Variants in TNK2 observed in about 807,000 individuals in gnomAD.
TNK2 encodes the protein activated CDC42 kinase 1.
A neutral mutation model predicts 101.8 loss-of-function variants in TNK2; 83 were observed. That is an observed-to-expected ratio of 0.82 (90% CI 0.68 to 0.98). The LOEUF (loss-of-function observed/expected upper bound fraction) is 0.98, where lower values mean the gene tolerates loss of function less well. TNK2 is among the 50% of genes least tolerant of loss of function. The probability of loss-of-function intolerance (pLI) is 0.00; values close to 1 mark genes in which losing one functional copy is unlikely to be tolerated. For synonymous variants in TNK2, 804 were observed against 633.0 expected (o/e 1.27, Z -4.06); for missense variants, 1,665 against 1,483.2 (o/e 1.12, Z -2.01).
At chr3:195,881,973 G>C (rs1477384277) in intron 6 of TNK2, 78 bp downstream of exon 6, 1 of 1,517,226 alleles carries the variant, frequency 6.6e-7, no homozygotes, top group East Asian at 2.3e-5. Context: ...CAGGGGCTGT[G>C]GTGGGTCCAG....
chr3:195,871,642 G>A (rs1024162919), intron 10 of TNK2, among the ~76,000 whole-genome samples: 1 of 152,110 alleles, frequency 6.6e-6, no homozygotes, highest in African/African-American at 2.4e-5. Context: ...GTACCAAGAG[G>A]GGTTACAGCT....
chr3:195,901,222 G>A (rs1049067292), intron 1 of TNK2, among the ~76,000 whole-genome samples: 2 of 152,198 alleles, frequency 1.3e-5, no homozygotes, highest in African/African-American at 2.4e-5. Flanking sequence ...GGGAAGGGGC[G>A]TGCCTGGTCC....
intron 10 of TNK2, among the ~76,000 whole-genome samples, chr3:195,870,957 G>GGGGACTCGCTGTGTGGGTTCTGGTGTGT (rs1744758852): frequency 3.7e-5 from 5 of 135,024 alleles, no homozygotes; most frequent in African/African-American, 1.5e-4. Context: ...TTCTGGTGTG[G>GGGGACTCGCTGTGTGGGTTCTGGTGTGT]GGGGACTCGC....
In TNK2 at chr3:195,868,010, C is replaced by T. The variant is rs57872314; in HGVS notation, c.2288G>A (p.Arg763Gln). Residue 763 changes from arginine (R) to glutamine (Q), a missense_variant, in exon 13 of 16, where the codon CGG becomes CAG. By Grantham distance (43) the Arg-to-Gln change is conservative. Coordinates refer to ENST00000672887, the MANE Select transcript of TNK2 (RefSeq NM_001382273.1). The stretch of plus-strand genomic sequence containing the variant: ...CAGCTGGACGTGTGGGCGCGTGGGC[C>T]GAGGGGGGATGGGTACCCGAGGAGG... ...QVPPRVPIPP[R>Q]PTRPHVQLSP... The T allele has an allele frequency of 1.5e-4, 244 of 1,576,006 alleles. No individual in the cohort carries two copies. In the East Asian group the frequency reaches 3.8e-3, roughly 25 times the overall value.
chr3:195,898,522 C>T (rs1021710732), intron 1 of TNK2, among the ~76,000 whole-genome samples: 1 of 152,210 alleles, frequency 6.6e-6, no homozygotes, highest in Non-Finnish European at 1.5e-5. Flanking sequence ...GGCTGCACTC[C>T]TCACCTAGTT....
rs921067558 is a variant in TNK2 at position 195,869,483 on chromosome 3, G to A, written c.1588+14C>T. 1.0e-5 allele frequency: 16 copies of A among 1,550,306 alleles called. No individual in the cohort carries two copies. In the Admixed American group the frequency reaches 1.2e-4, roughly 11 times the overall value. On this transcript the variant is annotated intron_variant, in intron 12 of 15. Coordinates refer to ENST00000672887, the MANE Select transcript of TNK2 (RefSeq NM_001382273.1). ...GGGGGCGGGGGCCAAGGCATCGGAA[G>A]CAGCCCCACTTACTCTGAGTGAAGA... is the stretch of plus-strand genomic sequence containing the variant.
At chr3:195,864,391 T>C (rs919171704) in intron 15 of TNK2, among the ~76,000 whole-genome samples, 3 of 151,906 alleles carry the variant, frequency 2.0e-5, no homozygotes, top group South Asian at 2.1e-4. Context: ...TCCTGCGTAT[T>C]AGAGAATCCG....
At position 195,864,212 on chromosome 3, in the gene TNK2, C is replaced by T. The variant is rs377680549; in HGVS notation, c.3162-25G>A. 11 of 1,613,786 alleles carry T rather than the reference C, an allele frequency of 6.8e-6. No individual in the cohort carries two copies. In the African/African-American group the frequency reaches 1.5e-4, roughly 22 times the overall value. On this transcript the variant is annotated intron_variant, in intron 15 of 15. Transcript: ENST00000672887. Reference sequence around the variant, plus strand: ...CCTAGAGAATGGGAAACCACCAGCACAGTTAAACAGTTTACAGAAGGTTCA... The same window carrying T: ...CCTAGAGAATGGGAAACCACCAGCATAGTTAAACAGTTTACAGAAGGTTCA...
Position 195,878,839 on chromosome 3 carries a change from G to A in TNK2, c.1014+210C>T, listed in dbSNP as rs375142268. Among the ~76,000 whole-genome samples the A allele has an allele frequency of 1.2e-3, 185 of 152,268 alleles. No individual in the cohort carries two copies. The highest frequency in any genetic ancestry group is 4.2e-3 in the African/African-American group (175 of 41,558). The stretch of plus-strand genomic sequence containing the variant: ...GGCAGGCCCCAGCTTTTCCCTCCCC[G>A]TCTCTTTGCTGGGCTCTCCCTGAGG... On this transcript the variant is annotated intron_variant, in intron 7 of 15. Transcript: ENST00000672887. This position sits in a 1 kb window ranked among gnomAD's most constrained non-coding sequence, Gnocchi z 4.7.
intron 1 of TNK2, among the ~76,000 whole-genome samples, chr3:195,902,523 C>CAGGA (rs1269652290): frequency 6.7e-6 from 1 of 149,364 alleles, no homozygotes; most frequent in Non-Finnish European, 1.5e-5. Flanking sequence ...GAGGCTGAGG[C>CAGGA]AGGACAATTG....
chr3:195,907,628 A>G lies in TNK2; in HGVS notation c.-19+857T>C, dbSNP rs1220835576. The stretch of plus-strand genomic sequence containing the variant: ...CCTGGGGGCACGAGGCGGAATGAGT[A>G]GGTCTGGCACTCAGGCCACGAGGGA... On this transcript the variant is annotated intron_variant, in intron 1 of 15. Coordinates refer to ENST00000672887, the MANE Select transcript of TNK2 (RefSeq NM_001382273.1). Among the ~76,000 whole-genome samples the G allele has an allele frequency of 2.0e-5, 3 of 152,218 alleles. No individual in the cohort carries two copies. In the East Asian group the frequency reaches 5.8e-4, roughly 29 times the overall value.
chr3:195,868,999 C>A, intron 12 of TNK2: 1 of 499,530 alleles, frequency 2.0e-6, no homozygotes, highest in South Asian at 3.0e-5. Flanking sequence ...ACGCTGCCTC[C>A]ACCAGCACAA....
intron 9 of TNK2, chr3:195,872,778 A>G: frequency 3.0e-6 from 1 of 334,354 alleles, no homozygotes; most frequent in Non-Finnish European, 5.5e-6. Flanking sequence ...GGTTACCAGA[A>G]AGATCCCAGC....
intron 1 of TNK2, among the ~76,000 whole-genome samples, chr3:195,898,154 G>A (rs910223853): frequency 6.6e-6 from 1 of 151,964 alleles, no homozygotes; most frequent in Non-Finnish European, 1.5e-5. Flanking sequence ...ACCCGAGGTA[G>A]AAACCACACC....
At chr3:195,906,457 C>T (rs985428843) in intron 1 of TNK2, among the ~76,000 whole-genome samples, 4 of 152,100 alleles carry the variant, frequency 2.6e-5, no homozygotes, top group South Asian at 2.1e-4. Flanking sequence ...ACTGTTGATA[C>T]GCGCAACCAC....
Position 195,888,487 on chromosome 3 carries a change from G to A in TNK2, c.102C>T (p.Arg34=), listed in dbSNP as rs1757067619. 1 of 1,613,968 alleles carries A rather than the reference G, an allele frequency of 6.2e-7. No individual in the cohort carries two copies. Among genetic ancestry groups the A allele is most frequent in the African/African-American group, 1.3e-5 (1 of 74,908 alleles). The part of the protein sequence containing the change: ...LRLRDDLNVT[R]LSHFEYVKNE... ...TCTTGACGTACTCAAAGTGGGACAGGCGGGTGACGTTGAGGTCATCTCGGA... is the reference window on the plus strand; with the variant it reads ...TCTTGACGTACTCAAAGTGGGACAGACGGGTGACGTTGAGGTCATCTCGGA... The change falls in exon 2 of 16, where the codon CGC becomes CGT. Residue 34 remains arginine (R), a synonymous_variant. Transcript: ENST00000672887. This position sits in a 1 kb window ranked among gnomAD's most constrained non-coding sequence, Gnocchi z 5.3.
rs550050164 is a variant in TNK2, at chr3:195,870,634, G to A, written c.1452-429C>T. 1.3e-3 allele frequency among the ~76,000 whole-genome samples: 193 copies of A among 152,374 alleles called. 1 individual carries two copies. The highest frequency in any genetic ancestry group is 4.4e-3 in the African/African-American group (183 of 41,600). ...CCCTTCTGCCACATGGCCAGGAGGTGCGGGAGAGGCTGGGCCACCTGTCCT... is the reference window on the plus strand; with the variant it reads ...CCCTTCTGCCACATGGCCAGGAGGTACGGGAGAGGCTGGGCCACCTGTCCT... On this transcript the variant is annotated intron_variant, in intron 10 of 15. Transcript: ENST00000672887.
chr3:195,889,418 A>G (rs1175589182), intron 1 of TNK2, among the ~76,000 whole-genome samples: 1 of 152,214 alleles, frequency 6.6e-6, no homozygotes, highest in Non-Finnish European at 1.5e-5. Flanking sequence ...AGGCACACTG[A>G]GCCACGAATC....
chr3:195,892,587 A>T, intron 1 of TNK2: 1 of 1,461,780 alleles, frequency 6.8e-7, no homozygotes, highest in Admixed American at 2.4e-5. Flanking sequence ...ATCCCACACC[A>T]GGGGTGGGAA....
Sources: gnomAD v4.1 joint callset for allele counts (sites outside exome capture counted in the v4.1 genomes callset) on GRCh38, gnomAD v4.1.1 for gene constraint, Gnocchi (gnomAD v3.1) non-coding constraint, MANE v1.5 for transcripts, NCBI Gene and HGNC (gene_info 2026-07-23, HGNC 2026-07-21) for gene names.